Variants in WEE2 observed in about 807,000 individuals in gnomAD.
WEE2 encodes the protein WEE2 oocyte meiosis inhibiting kinase.
WEE2 carries 50 observed loss-of-function variants against 60.1 expected under a neutral mutation model. That is an observed-to-expected ratio of 0.83 (90% CI 0.66 to 1.05). WEE2 has a LOEUF of 1.05. Ranked by LOEUF, WEE2 falls within the 50% of genes least tolerant of loss-of-function variation. WEE2 has a pLI of 0.00. For missense variants in WEE2, 631 were observed against 684.3 expected (o/e 0.92, Z 0.87); for synonymous variants, 240 against 241.0 (o/e 1.00, Z 0.04).
intron 1 of WEE2, among the ~76,000 whole-genome samples, chr7:141,713,741 T>A (rs1174691110): frequency 6.6e-6 from 1 of 152,208 alleles, no homozygotes; most frequent in Non-Finnish European, 1.5e-5. Flanking sequence ...TTCCTTAAGA[T>A]TTAGAATTCA....
intron 4 of WEE2, 118 bp downstream of exon 4, chr7:141,719,362 C>T: frequency 2.1e-6 from 2 of 969,194 alleles, no homozygotes; most frequent in South Asian, 1.9e-5. Context: ...TTTAAAATCA[C>T]CCCACATTAT....
chr7:141,723,098 C>T (rs781545958), intron 5 of WEE2, 36 bp from the exon 6 acceptor site: 3 of 1,612,330 alleles, frequency 1.9e-6, no homozygotes, highest in Non-Finnish European at 2.5e-6. Flanking sequence ...CTATAAGACT[C>T]ATACTGTGGG....
intron 9 of WEE2, among the ~76,000 whole-genome samples, chr7:141,726,974 G>C (rs1192318265): frequency 6.6e-6 from 1 of 152,192 alleles, no homozygotes; most frequent in African/African-American, 2.4e-5. Flanking sequence ...GGCAAACTGG[G>C]TTTTGGTCTT....
intron 1 of WEE2, among the ~76,000 whole-genome samples, chr7:141,710,686 G>A (rs969370345): frequency 3.3e-5 from 5 of 152,280 alleles, no homozygotes; most frequent in African/African-American, 1.2e-4. Context: ...GGCAAAGAGG[G>A]GAATAGGAAT....
At chr7:141,721,329 A>C (rs1798905870) in intron 5 of WEE2, among the ~76,000 whole-genome samples, 1 of 152,198 alleles carries the variant, frequency 6.6e-6, no homozygotes, top group African/African-American at 2.4e-5. Context: ...AGTGAAGATG[A>C]GTTAGATGTG....
rs1354663674 is a variant in WEE2, at chr7:141,723,154, A to G, written c.901A>G (p.Ile301Val). 8 of 1,614,176 alleles carry G rather than the reference A, an allele frequency of 5.0e-6. No homozygotes were observed. Among genetic ancestry groups the G allele is most frequent in the East Asian group, 4.5e-5 (2 of 44,884 alleles). ...CCCAGGTGGGAGTTTGCAAGCTGCT[A>G]TATCTGAAAACACTAAGTCTGGCAA... is the stretch of plus-strand genomic sequence containing the variant. ...YCNGGSLQAA[I>V]SENTKSGNHF... Residue 301 changes from isoleucine (I) to valine (V), a missense_variant, in exon 6 of 12, where the codon ATA (isoleucine) becomes GTA (valine). Ile to Val is a conservative substitution (Grantham distance 29). Transcript: ENST00000397541.
intron 10 of WEE2, chr7:141,727,739 G>A: frequency 2.9e-6 from 1 of 340,714 alleles, no homozygotes; most frequent in South Asian, 6.7e-5. Context: ...CTAAGTGACA[G>A]CAGGTATCTT....
intron 1 of WEE2, among the ~76,000 whole-genome samples, chr7:141,713,950 C>T (rs1798748919): frequency 1.3e-5 from 2 of 152,070 alleles, no homozygotes; most frequent in South Asian, 2.1e-4. Context: ...AACAGAATTG[C>T]CCAGGGGAAG....
Position 141,714,345 on chromosome 7 carries a change from C to G in WEE2, c.479C>G (p.Pro160Arg). 2 of 1,613,490 alleles carry G rather than the reference C, an allele frequency of 1.2e-6. No individual in the cohort carries two copies. The highest frequency in any genetic ancestry group is 1.7e-6 in the Non-Finnish European group (2 of 1,179,764). Reference protein sequence around the residue: ...LALVNINPFTPESYKKLFLQS... With the variant: ...LALVNINPFTRESYKKLFLQS... ...CTGGTCAATATTAATCCCTTCACTC[C>G]AGAGTCCTATAAAAAATTATTTCTT... Residue 160 changes from proline (P) to arginine (R), a missense_variant, in exon 2 of 12, where the codon CCA becomes CGA. Coordinates refer to ENST00000397541, the MANE Select transcript of WEE2 (RefSeq NM_001105558.1).
rs555199009 is a variant in WEE2, at chr7:141,711,158, T to G, written c.342+2058T>G. On this transcript the variant is annotated intron_variant, in intron 1 of 11. Coordinates refer to ENST00000397541, the MANE Select transcript of WEE2 (RefSeq NM_001105558.1). This position sits in a 1 kb window ranked among gnomAD's most constrained non-coding sequence, Gnocchi z 4.2. ...ATGGGTTTGGAGAAAAGCAGAGATGTGGTATAAAAAGTTGGATAACTGGGT... is the reference window on the plus strand; with the variant it reads ...ATGGGTTTGGAGAAAAGCAGAGATGGGGTATAAAAAGTTGGATAACTGGGT... Among the ~76,000 whole-genome samples, 1 of 152,126 alleles carries G rather than the reference T, an allele frequency of 6.6e-6. No individual in the cohort carries two copies. Among genetic ancestry groups the G allele is most frequent in the South Asian group, 2.1e-4 (1 of 4,814 alleles).
chr7:141,710,554 C>T (rs545271217), intron 1 of WEE2, among the ~76,000 whole-genome samples: 1 of 152,206 alleles, frequency 6.6e-6, no homozygotes, highest in South Asian at 2.1e-4. Context: ...AAGTTCAAAA[C>T]GTGTACTAGA....
At chr7:141,722,604 G>C (rs929838791) in intron 5 of WEE2, among the ~76,000 whole-genome samples, 1 of 152,070 alleles carries the variant, frequency 6.6e-6, no homozygotes, top group Non-Finnish European at 1.5e-5. Flanking sequence ...AATATTTTAT[G>C]ATCTATTTCT....
chr7:141,708,831 G>T lies in WEE2; in HGVS notation c.73G>T (p.Glu25Ter). The T allele has an allele frequency of 6.2e-7, 1 of 1,614,154 alleles. No individual in the cohort carries two copies. Among genetic ancestry groups the T allele is most frequent in the Non-Finnish European group, 8.5e-7 (1 of 1,180,014 alleles). The change falls in exon 1 of 12, where the codon GAA becomes TAA. Residue 25 changes from glutamate (E) to a stop codon, truncating the protein, a stop_gained. Transcript: ENST00000397541. LOFTEE classifies it high-confidence loss of function. ...NFSYCEETEI[E>*]GQKKVEESRE... ...TTCCTATTGTGAGGAGACTGAGATT[G>T]AAGGGCAGAAGAAAGTAGAAGAAAG... is the stretch of plus-strand genomic sequence containing the variant.
chr7:141,730,230 C>T, intron 11 of WEE2, 65 bp from the exon 12 acceptor site: 1 of 1,503,142 alleles, frequency 6.7e-7, no homozygotes, highest in Middle Eastern at 1.7e-4. Context: ...TTTCTCTTCT[C>T]TATTGTTATA....
chr7:141,721,256 C>T (rs1037297912), intron 5 of WEE2, among the ~76,000 whole-genome samples, 200 bp downstream of exon 5: 4 of 152,110 alleles, frequency 2.6e-5, no homozygotes, highest in African/African-American at 9.7e-5. Flanking sequence ...TCTTTCTTTC[C>T]CTTCTGTTGT....
At chr7:141,727,238 T>C in intron 9 of WEE2, 66 bp from the exon 10 acceptor site, 1 of 1,552,102 alleles carries the variant, frequency 6.4e-7, no homozygotes, top group Non-Finnish European at 8.7e-7. Flanking sequence ...TGGAGTTGGC[T>C]TGAATGGGAA....
At chr7:141,729,459 A>G in intron 10 of WEE2, 72 bp from the exon 11 acceptor site, 5 of 1,577,430 alleles carry the variant, frequency 3.2e-6, no homozygotes, top group Admixed American at 3.4e-5. Context: ...AAACATTTAT[A>G]TATTAGTTTT....
intron 11 of WEE2, among the ~76,000 whole-genome samples, chr7:141,729,922 A>C (rs1418536782): frequency 6.8e-6 from 1 of 147,560 alleles, no homozygotes; most frequent in Non-Finnish European, 1.5e-5. Context: ...CGGGAGGTGG[A>C]GCTTGCAGTG....
chr7:141,725,369 G>A (rs1025043348), intron 9 of WEE2, among the ~76,000 whole-genome samples, 173 bp downstream of exon 9: 2 of 152,198 alleles, frequency 1.3e-5, no homozygotes, highest in Non-Finnish European at 2.9e-5. Flanking sequence ...GCTCACACCT[G>A]TAATCTCAGC....
Sources: allele counts gnomAD v4.1 joint callset (sites outside exome capture counted in the v4.1 genomes callset), GRCh38; gene constraint gnomAD v4.1.1; non-coding constraint Gnocchi (gnomAD v3.1); transcripts MANE v1.5; gene names NCBI Gene and HGNC (gene_info 2026-07-23, HGNC 2026-07-21).